The following RUNX1 variants were observed in gnomAD, a reference collection of about 807,000 sequenced individuals.
RUNX1 encodes RUNX family transcription factor 1, also known as runt-related transcription factor 1.
Under a neutral mutation model 42.8 loss-of-function variants are expected in RUNX1, and 19 were observed. That is an observed-to-expected ratio of 0.44 (90% confidence interval 0.31 to 0.65). The LOEUF is 0.65. Ranked by LOEUF, RUNX1 falls within the 30% of genes least tolerant of loss-of-function variation. The pLI is 0.07. For missense variants in RUNX1, 528 were observed against 672.0 expected (o/e 0.79, Z 2.37); for synonymous variants, 271 against 289.4 (o/e 0.94, Z 0.64).
intron 2 of RUNX1, among the ~76,000 whole-genome samples, chr21:35,004,327 G>C (rs899125622): frequency 1.3e-5 from 2 of 152,198 alleles, no homozygotes; most frequent in Non-Finnish European, 2.9e-5. Context: ...GAAAACAAGA[G>C]GCCCAGAAGC....
intron 8 of RUNX1, among the ~76,000 whole-genome samples, chr21:34,795,323 G>A (rs1161919784): frequency 6.6e-6 from 1 of 152,154 alleles, no homozygotes; most frequent in Non-Finnish European, 1.5e-5. Context: ...GGGAGAGCTA[G>A]TGTGTTTTCT....
At chr21:34,997,043 CT>C (rs1342017054) in intron 2 of RUNX1, among the ~76,000 whole-genome samples, 2 of 152,214 alleles carry the variant, frequency 1.3e-5, no homozygotes, top group Non-Finnish European at 2.9e-5. Flanking sequence ...AAGAAATTTA[CT>C]CGGGAGAAGA....
At chr21:34,793,450 CA>C (rs989958235) in intron 8 of RUNX1, among the ~76,000 whole-genome samples, 3 of 151,862 alleles carry the variant, frequency 2.0e-5, no homozygotes, top group Admixed American at 6.6e-5. Context: ...GCCTGCCAGC[CA>C]AATCTGGCAT....
intron 2 of RUNX1, among the ~76,000 whole-genome samples, chr21:35,006,726 A>G (rs1372731661): frequency 6.6e-6 from 1 of 152,202 alleles, no homozygotes; most frequent in African/African-American, 2.4e-5. Flanking sequence ...AGGAGCATGG[A>G]GAAGTGGTGT....
chr21:34,799,601 A>C, intron 7 of RUNX1, 139 bp from the exon 8 acceptor site: 1 of 695,940 alleles, frequency 1.4e-6, no homozygotes. Context: ...TAATAAGCCT[A>C]CTCAAGTCCA....
chr21:34,891,203 T>G (rs1019272756), intron 3 of RUNX1, among the ~76,000 whole-genome samples: 7 of 152,204 alleles, frequency 4.6e-5, no homozygotes, highest in Non-Finnish European at 1.0e-4. Context: ...CAGCCTTGCA[T>G]GCACCGAGTT....
chr21:34,817,504 A>G (rs1315918977), intron 7 of RUNX1, among the ~76,000 whole-genome samples: 1 of 152,144 alleles, frequency 6.6e-6, no homozygotes, highest in Non-Finnish European at 1.5e-5. Context: ...GATGAGAAGG[A>G]TAGGGCTGCC....
intron 6 of RUNX1, among the ~76,000 whole-genome samples, chr21:34,834,804 C>A (rs551097312): frequency 3.9e-5 from 6 of 152,288 alleles, no homozygotes; most frequent in African/African-American, 1.4e-4. Flanking sequence ...CCCCCTTTCA[C>A]CGCCTCGGCC....
At chr21:34,930,401 T>C (rs1351617974) in intron 2 of RUNX1, among the ~76,000 whole-genome samples, 7 of 150,930 alleles carry the variant, frequency 4.6e-5, no homozygotes, top group Admixed American at 4.6e-4. Context: ...CCAAATAAGG[T>C]TTATCTGGGG....
chr21:35,002,387 TTTA>T (rs2059051718), intron 2 of RUNX1, among the ~76,000 whole-genome samples: 7 of 13,824 alleles, frequency 5.1e-4, no homozygotes, highest in African/African-American at 1.8e-3. Context: ...GCACATTTTA[TTTA>T]TTTATTTATT....
At chr21:34,908,301 C>T (rs2058241427) in intron 2 of RUNX1, among the ~76,000 whole-genome samples, 1 of 152,180 alleles carries the variant, frequency 6.6e-6, no homozygotes, top group South Asian at 2.1e-4. Flanking sequence ...TAATCTTCTT[C>T]CTGAAGTGTC....
rs190992692 is a variant in RUNX1 at position 34,859,712 on chromosome 21, T to C, written c.509-134A>G. The C allele has an allele frequency of 1.9e-5, 15 of 792,796 alleles. No homozygotes were observed. The East Asian group carries it at 3.5e-4, about 18-fold the overall frequency. The allele number at this position is 792,796 out of a possible 1,614,324, so 49.1% of individuals were successfully genotyped here. The stretch of plus-strand genomic sequence containing the variant: ...CAGTTTTGACAACACTCCCGGAATT[T>C]TGGCTTTGCTTCAATTCTGGAATAC... On this transcript the variant is annotated intron_variant, in intron 5 of 8. Transcript: ENST00000675419.
intron 2 of RUNX1, among the ~76,000 whole-genome samples, chr21:34,987,162 T>C (rs956601890): frequency 3.3e-5 from 5 of 152,238 alleles, no homozygotes; most frequent in African/African-American, 1.2e-4. Flanking sequence ...GCTCGGGGTT[T>C]CTAAACTCCC....
At chr21:34,841,677 CACTT>C (rs2057237841) in intron 6 of RUNX1, among the ~76,000 whole-genome samples, 1 of 152,184 alleles carries the variant, frequency 6.6e-6, no homozygotes, top group South Asian at 2.1e-4. Flanking sequence ...GGGGCCTTTG[CACTT>C]ACTGTTTCCT....
intron 2 of RUNX1, among the ~76,000 whole-genome samples, chr21:34,914,036 A>G (rs1249055889): frequency 6.6e-6 from 1 of 152,082 alleles, no homozygotes; most frequent in Non-Finnish European, 1.5e-5. Flanking sequence ...TATGGCCAAC[A>G]CTCTGGATTA....
intron 8 of RUNX1, among the ~76,000 whole-genome samples, chr21:34,794,505 T>A (rs1367673366): frequency 6.6e-6 from 1 of 152,226 alleles, no homozygotes; most frequent in Non-Finnish European, 1.5e-5. Flanking sequence ...TCTACTCTGT[T>A]TTTTGCACAT....
At chr21:34,878,382 C>A (rs1318276029) in intron 5 of RUNX1, among the ~76,000 whole-genome samples, 1 of 149,334 alleles carries the variant, frequency 6.7e-6, no homozygotes, top group Non-Finnish European at 1.5e-5. Flanking sequence ...TATATACACA[C>A]ACACATATAT....
chr21:34,799,072 A>T (rs1035635386), intron 8 of RUNX1, among the ~76,000 whole-genome samples: 1 of 152,194 alleles, frequency 6.6e-6, no homozygotes, highest in African/African-American at 2.4e-5. Context: ...ACAACTTTAG[A>T]TGTCTAAGGA....
chr21:34,890,259 C>T (rs930773780), intron 3 of RUNX1, among the ~76,000 whole-genome samples: 17 of 151,986 alleles, frequency 1.1e-4, no homozygotes, highest in African/African-American at 1.7e-4. Flanking sequence ...CCGGAGCTCC[C>T]GGAACGCCCC....
Sources: allele counts gnomAD v4.1 joint callset (sites outside exome capture counted in the v4.1 genomes callset), GRCh38; gene constraint gnomAD v4.1.1; transcripts MANE v1.5; gene names NCBI Gene and HGNC (gene_info 2026-07-23, HGNC 2026-07-21).